The following SEPTIN9 variants were observed in gnomAD, a reference collection of about 807,000 sequenced individuals.
SEPTIN9 encodes the protein septin 9.
In SEPTIN9, 13 loss-of-function variants were observed where a neutral mutation model predicts 56.6. That is an observed-to-expected ratio of 0.23 (90% CI 0.15 to 0.37). The LOEUF (loss-of-function observed/expected upper bound fraction) is 0.37, where lower values mean the gene tolerates loss of function less well. SEPTIN9 is among the 10% of genes least tolerant of loss of function. SEPTIN9 has a pLI of 1.00. For missense variants in SEPTIN9, 650 were observed against 823.1 expected, an observed-to-expected ratio of 0.79 and a Z score of 2.57; for synonymous variants, 332 against 334.1, an observed-to-expected ratio of 0.99 and a Z score of 0.07.
In SEPTIN9 at chr17:77,319,591, C is replaced by G. The variant is rs1298119817; in HGVS notation, c.76+12394C>G. 1 of 1,060,270 alleles carries G rather than the reference C, an allele frequency of 9.4e-7. No individual in the cohort carries two copies. The highest frequency in any genetic ancestry group is 5.4e-5 in the Admixed American group (1 of 18,528). 65.7% of individuals were successfully genotyped at this position (1,060,270 alleles called of 1,614,324 possible). A position where few individuals can be genotyped will look rare whatever the true frequency, so the allele number is the denominator to read the frequency against. On this transcript the variant is annotated intron_variant, in intron 2 of 11. Coordinates refer to ENST00000427177, the MANE Select transcript of SEPTIN9 (RefSeq NM_001113491.2). The surrounding 1 kb of genome is among the most constrained non-coding windows in gnomAD (Gnocchi z 5.3). ...TCCTCCTGGGCAGGTGCTCCGGAAC[C>G]TTTTCTCAGCACGCTGGCCTGGGGC... is the stretch of plus-strand genomic sequence containing the variant.
At chr17:77,284,652 C>T (rs766610085) in intron 1 of SEPTIN9, among the ~76,000 whole-genome samples, 6 of 152,068 alleles carry the variant, frequency 3.9e-5, no homozygotes, top group Admixed American at 3.3e-4. Context: ...ATTTTTGAGA[C>T]GGAGTCTCAC....
intron 3 of SEPTIN9, among the ~76,000 whole-genome samples, chr17:77,411,068 G>A (rs867102116): frequency 6.8e-6 from 1 of 146,340 alleles, no homozygotes; most frequent in African/African-American, 2.6e-5. Flanking sequence ...CTGGGCAACA[G>A]AACAAGACTC....
chr17:77,321,190 C>T (rs1035341699), intron 2 of SEPTIN9, among the ~76,000 whole-genome samples: 1 of 152,204 alleles, frequency 6.6e-6, no homozygotes, highest in Non-Finnish European at 1.5e-5. Flanking sequence ...AGCCAAGCTC[C>T]AGGCTTTGGG....
At chr17:77,418,861 C>T (rs1014391777) in intron 3 of SEPTIN9, among the ~76,000 whole-genome samples, 1 of 152,088 alleles carries the variant, frequency 6.6e-6, no homozygotes, top group African/African-American at 2.4e-5. Context: ...GCATGGGGTG[C>T]TTCTGGTCTG....
chr17:77,326,612 GA>G lies in SEPTIN9; in HGVS notation c.76+19418del, dbSNP rs2033150822. On this transcript the variant is annotated intron_variant, in intron 2 of 11. Transcript: ENST00000427177. This position sits in a 1 kb window ranked among gnomAD's most constrained non-coding sequence, Gnocchi z 5.1. ...TGAAAGAGACTGACTGTCATGTTGT[GA>G]AATATACACTTGGTTTTCATCTCCA... 1.3e-5 allele frequency among the ~76,000 whole-genome samples: 2 copies of G among 152,310 alleles called. No individual in the cohort carries two copies. Among genetic ancestry groups the G allele is most frequent in the South Asian group, 4.1e-4 (2 of 4,824 alleles).
In SEPTIN9 at chr17:77,369,187, T is replaced by C. The variant is rs1243155819; in HGVS notation, c.77-32872T>C. 6.6e-6 allele frequency among the ~76,000 whole-genome samples: 1 copy of C among 152,014 alleles called. No individual in the cohort carries two copies. The highest frequency in any genetic ancestry group is 1.5e-5 in the Non-Finnish European group (1 of 68,004). Reference sequence around the variant, plus strand: ...AGGTGGAGTTTGCAGTGAGCCAGGATTGCCCCACTGCACTCCAGACCGGGT... The same window carrying C: ...AGGTGGAGTTTGCAGTGAGCCAGGACTGCCCCACTGCACTCCAGACCGGGT... On this transcript the variant is annotated intron_variant, in intron 2 of 11. Transcript: ENST00000427177. The surrounding 1 kb of genome is among the most constrained non-coding windows in gnomAD (Gnocchi z 4.9).
rs569082801 is a variant in SEPTIN9 at position 77,293,446 on chromosome 17, G to C, written c.19+11892G>C. ...CAAAGTGCTGGGATTACAGGCGGGA[G>C]CCACAGTGCCTGGTCCACTTGAGCA... On this transcript the variant is annotated intron_variant, in intron 1 of 11. Transcript: ENST00000427177. Among the ~76,000 whole-genome samples, 14 of 152,312 alleles carry C rather than the reference G, an allele frequency of 9.2e-5. No individual in the cohort carries two copies. In the South Asian group the frequency reaches 2.7e-3, roughly 29 times the overall value.
Position 77,475,720 on chromosome 17 carries a change from G to C in SEPTIN9, c.722-6424G>C, listed in dbSNP as rs200871334. 386 of 1,613,324 alleles carry C rather than the reference G, an allele frequency of 2.4e-4. 2 individuals are homozygous for C. Among genetic ancestry groups the C allele is most frequent in the Middle Eastern group, 9.9e-4 (6 of 6,062 alleles). Reference sequence around the variant, plus strand: ...ATGGAGGCAAGGAAGTCTTCGCCGGGGCAAGGGCACCAGCTGTAGATGCCG... The same window carrying C: ...ATGGAGGCAAGGAAGTCTTCGCCGGCGCAAGGGCACCAGCTGTAGATGCCG... On this transcript the variant is annotated intron_variant, in intron 3 of 11. Coordinates refer to ENST00000427177, the MANE Select transcript of SEPTIN9 (RefSeq NM_001113491.2). The surrounding 1 kb of genome is among the most constrained non-coding windows in gnomAD (Gnocchi z 4.6).
intron 1 of SEPTIN9, among the ~76,000 whole-genome samples, chr17:77,301,226 T>C (rs939291712): frequency 1.3e-5 from 2 of 152,154 alleles, no homozygotes; most frequent in Non-Finnish European, 2.9e-5. Context: ...TTTAAACTTT[T>C]ATTATTTTTT....
intron 2 of SEPTIN9, among the ~76,000 whole-genome samples, chr17:77,360,609 G>T (rs1363555780): frequency 2.6e-5 from 4 of 151,412 alleles, no homozygotes; most frequent in African/African-American, 9.7e-5. Flanking sequence ...CTGTCGCCCA[G>T]GCTGGCGTGG....
At chr17:77,461,609 A>G (rs980552688) in intron 3 of SEPTIN9, among the ~76,000 whole-genome samples, 6 of 152,258 alleles carry the variant, frequency 3.9e-5, no homozygotes, top group African/African-American at 1.4e-4. Flanking sequence ...GAATTCACAT[A>G]CTGTGACGTT....
chr17:77,413,355 TTTC>T (rs1236374906), intron 3 of SEPTIN9, among the ~76,000 whole-genome samples: 2 of 152,202 alleles, frequency 1.3e-5, no homozygotes, highest in Non-Finnish European at 2.9e-5. Context: ...GGAGTTTTTC[TTTC>T]TTCTTAAAAT....
intron 3 of SEPTIN9, among the ~76,000 whole-genome samples, chr17:77,404,483 A>C (rs993205180): frequency 6.6e-6 from 1 of 152,176 alleles, no homozygotes; most frequent in Non-Finnish European, 1.5e-5. Context: ...CCTGGGTTCA[A>C]ATGAGCCTCC....
rs312821 is a variant in SEPTIN9 at position 77,475,680 on chromosome 17, G to A, written c.722-6464G>A. 0.013 allele frequency: 21,026 copies of A among 1,613,636 alleles called. 2,020 individuals are homozygous for A. In the African/African-American group the frequency reaches 0.23, roughly 18 times the overall value. ...AAAGTAAGGAGACTGCTGGGCCCAC[G>A]CTGGGCCGGGGTGGATGGAGGCAAG... is the stretch of plus-strand genomic sequence containing the variant. On this transcript the variant is annotated intron_variant, in intron 3 of 11. Coordinates refer to ENST00000427177, the MANE Select transcript of SEPTIN9 (RefSeq NM_001113491.2). The surrounding 1 kb of genome is among the most constrained non-coding windows in gnomAD (Gnocchi z 4.6).
At chr17:77,482,359 C>T (rs767744231) in intron 4 of SEPTIN9, 24 bp downstream of exon 4, 2 of 1,607,548 alleles carry the variant, frequency 1.2e-6, no homozygotes, top group East Asian at 2.2e-5. Context: ...TTGCATGCCA[C>T]TCAACCAATG....
rs1343246719 is a variant in SEPTIN9 at position 77,482,187 on chromosome 17, C to A, written c.765C>A (p.Thr255=). 2 of 1,607,322 alleles carry A rather than the reference C, an allele frequency of 1.2e-6. No homozygotes were observed. Among genetic ancestry groups the A allele is most frequent in the East Asian group, 4.5e-5 (2 of 44,648 alleles). The change falls in exon 4 of 12, where the codon ACC becomes ACA. Residue 255 remains threonine (T), a synonymous_variant. Coordinates refer to ENST00000427177, the MANE Select transcript of SEPTIN9 (RefSeq NM_001113491.2). The part of the protein sequence containing the change: ...APSCVGDMAD[T]PRDAGLKQAP... ...GCTGCGTTGGCGACATGGCCGACAC[C>A]CCCAGAGATGCCGGGCTCAAGCAGG...
rs1020425087 is a variant in SEPTIN9 at position 77,327,794 on chromosome 17, C to T, written c.76+20597C>T. Among the ~76,000 whole-genome samples the T allele has an allele frequency of 5.9e-5, 9 of 152,168 alleles. No homozygotes were observed. Among genetic ancestry groups the T allele is most frequent in the South Asian group, 2.1e-4 (1 of 4,832 alleles). ...GAACACTGAATAAACAACACACCCT[C>T]GAAATCAGCGAAGAGGCACTGGCTC... On this transcript the variant is annotated intron_variant, in intron 2 of 11. Coordinates refer to ENST00000427177, the MANE Select transcript of SEPTIN9 (RefSeq NM_001113491.2). The surrounding 1 kb of genome is among the most constrained non-coding windows in gnomAD (Gnocchi z 5.0).
chr17:77,350,533 T>C (rs921467832), intron 2 of SEPTIN9, among the ~76,000 whole-genome samples: 1 of 152,116 alleles, frequency 6.6e-6, no homozygotes, highest in Non-Finnish European at 1.5e-5. Context: ...TCTGCACGTG[T>C]TCTCTAGGAG....
chr17:77,443,187 T>C (rs1247241240), intron 3 of SEPTIN9, among the ~76,000 whole-genome samples: 1 of 152,000 alleles, frequency 6.6e-6, no homozygotes, highest in Non-Finnish European at 1.5e-5. Flanking sequence ...CAGGGCCCGA[T>C]TGCTTTGTAT....
Sources: gnomAD v4.1 joint callset for allele counts (sites outside exome capture counted in the v4.1 genomes callset) on GRCh38, gnomAD v4.1.1 for gene constraint, Gnocchi (gnomAD v3.1) non-coding constraint, MANE v1.5 for transcripts, NCBI Gene and HGNC (gene_info 2026-07-23, HGNC 2026-07-21) for gene names.